The following PPP4R3B variants were observed in gnomAD, a reference collection of about 807,000 sequenced individuals.
PPP4R3B encodes serine/threonine-protein phosphatase 4 regulatory subunit 3B.
PPP4R3B carries 52 observed loss-of-function variants against 95.4 expected under a neutral mutation model. The observed-to-expected ratio is 0.54, with a 90% confidence interval of 0.44 to 0.69. The LOEUF (loss-of-function observed/expected upper bound fraction) is 0.69. Ranked by LOEUF, PPP4R3B falls within the 30% of genes least tolerant of loss-of-function variation. The probability of loss-of-function intolerance (pLI) is 0.00; values close to 1 mark genes in which losing one functional copy is unlikely to be tolerated. For missense variants in PPP4R3B, 1,003 were observed against 1,005.9 expected, an observed-to-expected ratio of 1.00 and a Z score of 0.04; for synonymous variants, 407 against 343.9, an observed-to-expected ratio of 1.18 and a Z score of -2.03.
At chr2:55,586,520 T>C (rs556790659) in intron 6 of PPP4R3B, 98 bp downstream of exon 6, 7 of 642,200 alleles carry the variant, frequency 1.1e-5, no homozygotes, top group African/African-American at 3.8e-5. Context: ...AGCTAAACTA[T>C]AGAATTGAAT....
At chr2:55,584,218 TAAAA>T (rs766668397) in intron 7 of PPP4R3B, among the ~76,000 whole-genome samples, 63 of 151,886 alleles carry the variant, frequency 4.1e-4, no homozygotes, top group Admixed American at 5.3e-4. Flanking sequence ...TTTTTAATAA[TAAAA>T]AAAGAGTACT....
chr2:55,569,795 CTTTTA>C (rs1001265926), intron 12 of PPP4R3B, among the ~76,000 whole-genome samples: 2 of 152,144 alleles, frequency 1.3e-5, no homozygotes, highest in African/African-American at 4.8e-5. Flanking sequence ...GCTGTCTTTT[CTTTTA>C]TCTCTTTGTC....
At chr2:55,597,291 A>T (rs1288862489) in intron 4 of PPP4R3B, among the ~76,000 whole-genome samples, 1 of 152,076 alleles carries the variant, frequency 6.6e-6, no homozygotes, top group Non-Finnish European at 1.5e-5. Flanking sequence ...GTTCGAGACC[A>T]GCCTGACCAA....
chr2:55,584,799 A>G (rs991996161), intron 7 of PPP4R3B, among the ~76,000 whole-genome samples: 1 of 152,212 alleles, frequency 6.6e-6, no homozygotes, highest in Non-Finnish European at 1.5e-5. Context: ...TTTAAGACCA[A>G]TATTTACAAA....
intron 2 of PPP4R3B, among the ~76,000 whole-genome samples, chr2:55,612,530 C>T (rs1694307599): frequency 6.6e-6 from 1 of 152,008 alleles, no homozygotes; most frequent in African/African-American, 2.4e-5. Context: ...TCAGCCTGGG[C>T]CACACAGTGA....
chr2:55,585,183 T>C lies in PPP4R3B; in HGVS notation c.1117-16A>G, dbSNP rs1689981084. Reference sequence around the variant, plus strand: ...CATCCATGCCCTGATAAAAGGAAAATTAGGTTACTTAGAGACTGTTAACAA... The same window carrying C: ...CATCCATGCCCTGATAAAAGGAAAACTAGGTTACTTAGAGACTGTTAACAA... On this transcript the variant is annotated splice_polypyrimidine_tract_variant and intron_variant, in intron 6 of 16. Transcript: ENST00000616407. 6.4e-7 allele frequency: 1 copy of C among 1,555,138 alleles called. No individual in the cohort carries two copies. The highest frequency in any genetic ancestry group is 8.7e-7 in the Non-Finnish European group (1 of 1,143,014).
chr2:55,590,981 G>A (rs567346958), intron 4 of PPP4R3B, among the ~76,000 whole-genome samples: 17 of 152,252 alleles, frequency 1.1e-4, no homozygotes, highest in African/African-American at 3.9e-4. Context: ...TAATTAGTCT[G>A]ACTCAGAATG....
At chr2:55,554,906 A>G (rs549814910) in intron 16 of PPP4R3B, among the ~76,000 whole-genome samples, 3 of 152,214 alleles carry the variant, frequency 2.0e-5, no homozygotes, top group African/African-American at 7.2e-5. Context: ...ATCCATTTTG[A>G]GAGGAGTTTT....
intron 11 of PPP4R3B, among the ~76,000 whole-genome samples, chr2:55,576,754 T>C (rs1303665986): frequency 6.6e-6 from 1 of 152,210 alleles, no homozygotes; most frequent in Non-Finnish European, 1.5e-5. Context: ...AAATGTCTTG[T>C]CTTCATCTTT....
At chr2:55,614,841 TAA>T (rs993170115) in intron 2 of PPP4R3B, 1 of 152,198 alleles carries the variant, frequency 6.6e-6, no homozygotes, top group African/African-American at 2.4e-5. Flanking sequence ...ATTCACAGAA[TAA>T]AAAAGATTGA....
chr2:55,587,828 A>G (rs1409593721), intron 5 of PPP4R3B, among the ~76,000 whole-genome samples: 1 of 152,250 alleles, frequency 6.6e-6, no homozygotes, highest in Non-Finnish European at 1.5e-5. Context: ...CACCAATATT[A>G]TAATTGAGAA....
At chr2:55,615,625 G>A (rs1186926142) in intron 1 of PPP4R3B, 119 bp from the exon 2 acceptor site, 4 of 618,300 alleles carry the variant, frequency 6.5e-6, no homozygotes, top group Non-Finnish European at 1.1e-5. Flanking sequence ...ACTTTGGGAG[G>A]CGGGCAGATC....
chr2:55,561,779 C>T (rs1574693522), intron 15 of PPP4R3B, among the ~76,000 whole-genome samples: 1 of 152,190 alleles, frequency 6.6e-6, no homozygotes, highest in African/African-American at 2.4e-5. Flanking sequence ...AATGTCTGTA[C>T]CCCCGTTGTA....
chr2:55,610,637 T>C (rs1694034646), intron 2 of PPP4R3B, among the ~76,000 whole-genome samples: 1 of 152,234 alleles, frequency 6.6e-6, no homozygotes, highest in South Asian at 2.1e-4. Context: ...ACCTGCTGTA[T>C]AATCTCAGTC....
intron 8 of PPP4R3B, 55 bp downstream of exon 8, chr2:55,581,512 A>C: frequency 1.3e-6 from 2 of 1,539,610 alleles, no homozygotes; most frequent in Non-Finnish European, 1.8e-6. Context: ...TCTTATTACA[A>C]AGCCACCTAA....
intron 10 of PPP4R3B, among the ~76,000 whole-genome samples, chr2:55,577,953 A>G (rs1209100835): frequency 6.6e-6 from 1 of 152,156 alleles, no homozygotes; most frequent in Non-Finnish European, 1.5e-5. Flanking sequence ...GCAAAAAGCT[A>G]GAAACAAATG....
chr2:55,588,479 C>G (rs988383996), intron 5 of PPP4R3B, among the ~76,000 whole-genome samples: 4 of 149,386 alleles, frequency 2.7e-5, no homozygotes, highest in Non-Finnish European at 5.9e-5. Flanking sequence ...CACCACTGCA[C>G]TCCAGCCTGG....
At chr2:55,579,864 G>C (rs1689208815) in intron 8 of PPP4R3B, 83 bp from the exon 9 acceptor site, 5 of 748,004 alleles carry the variant, frequency 6.7e-6, no homozygotes, top group South Asian at 6.4e-5. Flanking sequence ...ACCTTTTCCA[G>C]AACCAAACCA....
At chr2:55,564,571 G>C in intron 14 of PPP4R3B, 74 bp from the exon 15 acceptor site, 1 of 1,301,086 alleles carries the variant, frequency 7.7e-7, no homozygotes, top group Non-Finnish European at 1.0e-6. Context: ...GGAAAAATAT[G>C]TATAACCAAG....
Sources: allele counts gnomAD v4.1 joint callset (sites outside exome capture counted in the v4.1 genomes callset), GRCh38; gene constraint gnomAD v4.1.1; transcripts MANE v1.5; gene names NCBI Gene and HGNC (gene_info 2026-07-23, HGNC 2026-07-21).